Variants in TNS3 observed in about 807,000 individuals in gnomAD.
TNS3 encodes tensin-3.
Under a neutral mutation model 140.9 loss-of-function variants are expected in TNS3, and 45 were observed. That is an observed-to-expected ratio of 0.32 (90% CI 0.25 to 0.41). The LOEUF (loss-of-function observed/expected upper bound fraction) is 0.41. TNS3 is among the 10% of genes least tolerant of loss of function. TNS3 has a pLI of 1.00. For synonymous variants in TNS3, 815 were observed against 788.4 expected, an observed-to-expected ratio of 1.03 and a Z score of -0.56; for missense variants, 1,716 against 1,906.7, an observed-to-expected ratio of 0.90 and a Z score of 1.86.
intron 23 of TNS3, among the ~76,000 whole-genome samples, chr7:47,299,282 T>C (rs189410339): frequency 6.6e-6 from 1 of 151,778 alleles, no homozygotes; most frequent in Admixed American, 6.6e-5. Context: ...GGACTACAAG[T>C]GTACACCACC....
intron 7 of TNS3, among the ~76,000 whole-genome samples, chr7:47,436,916 C>T (rs901505232): frequency 6.6e-6 from 1 of 152,054 alleles, no homozygotes; most frequent in African/African-American, 2.4e-5. Flanking sequence ...ACACACGATG[C>T]CGAGAAACAC....
intron 4 of TNS3, among the ~76,000 whole-genome samples, chr7:47,455,860 G>A (rs1042360734): frequency 1.2e-4 from 18 of 152,190 alleles, no homozygotes; most frequent in African/African-American, 4.3e-4. Context: ...CAGAGGTGGG[G>A]CAGGAGGAGC....
chr7:47,310,235 C>T (rs1040435754), intron 20 of TNS3, among the ~76,000 whole-genome samples: 1 of 152,116 alleles, frequency 6.6e-6, no homozygotes, highest in African/African-American at 2.4e-5. Context: ...GGGCCCAATG[C>T]CCAGTAAACA....
At chr7:47,280,912 CAA>C (rs111232356) in intron 28 of TNS3, among the ~76,000 whole-genome samples, 4 of 127,120 alleles carry the variant, frequency 3.1e-5, no homozygotes, top group Admixed American at 1.6e-4. Context: ...GATTCCATCT[CAA>C]AAAAAAAAAA....
chr7:47,434,289 T>C (rs56987629), intron 8 of TNS3, among the ~76,000 whole-genome samples: 1,663 of 149,254 alleles, frequency 0.011, 11 homozygotes, highest in Middle Eastern at 0.024. Context: ...TGCAGTTTTT[T>C]AGTGTAAAAG....
intron 4 of TNS3, among the ~76,000 whole-genome samples, chr7:47,455,833 A>G (rs1562764697): frequency 6.6e-6 from 1 of 152,164 alleles, no homozygotes; most frequent in Non-Finnish European, 1.5e-5. Flanking sequence ...CATCTGATAC[A>G]AAGTGGGCGC....
chr7:47,557,052 A>C (rs1800213995), intron 1 of TNS3: 1 of 456,668 alleles, frequency 2.2e-6, no homozygotes, highest in Non-Finnish European at 4.4e-6. Context: ...CAGGGTGTGC[A>C]GGGTGCCTAG....
chr7:47,415,042 C>G, intron 11 of TNS3, 52 bp downstream of exon 11: 4 of 1,407,032 alleles, frequency 2.8e-6, no homozygotes, highest in Non-Finnish European at 4.0e-6. Flanking sequence ...CCAGGACCAG[C>G]TCCAAGTCTG....
chr7:47,551,839 C>T (rs1163454561), intron 1 of TNS3, among the ~76,000 whole-genome samples: 1 of 152,140 alleles, frequency 6.6e-6, no homozygotes, highest in African/African-American at 2.4e-5. Flanking sequence ...AATTCTTGCA[C>T]TTGCAGAGAC....
chr7:47,278,144 C>T lies in TNS3; in HGVS notation c.4270G>A (p.Glu1424Lys). The T allele has an allele frequency of 6.2e-7, 1 of 1,614,126 alleles. No individual in the cohort carries two copies. The highest frequency in any genetic ancestry group is 8.5e-7 in the Non-Finnish European group (1 of 1,180,024). The change falls in exon 31 of 31, where the codon GAG (glutamate) becomes AAG (lysine). Residue 1424 changes from glutamate (E) to lysine (K), a missense_variant. By Grantham distance (56) the Glu-to-Lys change is moderately conservative (BLOSUM62 1). This residue lies in a region of TNS3 where 216 missense variants were observed against 295.7 expected (regional missense o/e 0.73). Coordinates refer to ENST00000311160, the MANE Select transcript of TNS3 (RefSeq NM_022748.12). The part of the protein sequence containing the change: ...VCHLFAEHDP[E>K]QPASAIVNFV... ...TTGACAATGGCACTGGCAGGCTGCT[C>T]AGGGTCATGCTCTGCAAACAGGTGG... is the stretch of plus-strand genomic sequence containing the variant.
chr7:47,305,889 A>G (rs1197190005), intron 20 of TNS3, among the ~76,000 whole-genome samples: 1 of 152,210 alleles, frequency 6.6e-6, no homozygotes, highest in African/African-American at 2.4e-5. Context: ...AAAACTAATG[A>G]GGATTGATAA....
chr7:47,509,937 G>T lies in TNS3; in HGVS notation c.-152-2993C>A, dbSNP rs148854973. Among the ~76,000 whole-genome samples the T allele has an allele frequency of 6.4e-3, 971 of 152,312 alleles. 16 individuals carry two copies. The highest frequency in any genetic ancestry group is 0.022 in the African/African-American group (925 of 41,572). On this transcript the variant is annotated intron_variant, in intron 2 of 30. Transcript: ENST00000311160. ...CCTCAAGGGACAGCGTCTCTGTTGT[G>T]CATGACCAGGGTCTCACAATAGCAG...
chr7:47,509,338 G>A (rs1206767761), intron 2 of TNS3, among the ~76,000 whole-genome samples: 1 of 152,210 alleles, frequency 6.6e-6, no homozygotes. Context: ...TTTTACAAAT[G>A]TTTGGACTAG....
intron 2 of TNS3, among the ~76,000 whole-genome samples, 184 bp downstream of exon 2, chr7:47,528,852 A>G (rs941206198): frequency 2.0e-5 from 3 of 152,150 alleles, no homozygotes; most frequent in Non-Finnish European, 4.4e-5. Context: ...CCTCATGAGC[A>G]CTTATCTATG....
chr7:47,555,842 G>A (rs548496657), intron 1 of TNS3, among the ~76,000 whole-genome samples: 1 of 152,308 alleles, frequency 6.6e-6, no homozygotes, highest in South Asian at 2.1e-4. Flanking sequence ...TATGCACTGG[G>A]AAACTAAAAG....
chr7:47,577,506 T>C (rs919062041), intron 1 of TNS3, among the ~76,000 whole-genome samples: 3 of 152,168 alleles, frequency 2.0e-5, no homozygotes, highest in Admixed American at 6.5e-5. Context: ...GGGGCTGGGC[T>C]GTGGGTGGGG....
Position 47,287,359 on chromosome 7 carries a change from C to T in TNS3, c.3929-3494G>A, listed in dbSNP as rs77402567. Among the ~76,000 whole-genome samples the T allele has an allele frequency of 3.7e-3, 557 of 152,268 alleles. 6 individuals are homozygous for T. Among genetic ancestry groups the T allele is most frequent in the African/African-American group, 0.013 (532 of 41,544 alleles). ...AACTGGAGAGCATTACAAGTTTATT[C>T]CCATCTTTGTGAGTTGTCTGCTAAT... is the stretch of plus-strand genomic sequence containing the variant. On this transcript the variant is annotated intron_variant, in intron 27 of 30. Transcript: ENST00000311160.
intron 17 of TNS3, among the ~76,000 whole-genome samples, chr7:47,350,164 AG>A (rs780383027): frequency 1.3e-5 from 2 of 152,102 alleles, no homozygotes; most frequent in Non-Finnish European, 2.9e-5. Context: ...GGGCCCCATG[AG>A]CCCTGGGAGG....
In TNS3 at chr7:47,372,216, C is replaced by T. The variant is rs578169488; in HGVS notation, c.1025-2595G>A. On this transcript the variant is annotated intron_variant, in intron 16 of 30. Coordinates refer to ENST00000311160, the MANE Select transcript of TNS3 (RefSeq NM_022748.12). ...TCAGCCCAGTCCCTCCCACGCCTGG[C>T]GGGCAGCCAGGACACACACTGCAGG... Among the ~76,000 whole-genome samples, 26 of 152,322 alleles carry T rather than the reference C, an allele frequency of 1.7e-4. No homozygotes were observed. The East Asian group carries it at 3.3e-3, about 19-fold the overall frequency.
Sources: allele counts gnomAD v4.1 joint callset (sites outside exome capture counted in the v4.1 genomes callset), GRCh38; gene constraint gnomAD v4.1.1; regional missense constraint gnomAD v4.1.1; transcripts MANE v1.5; gene names NCBI Gene and HGNC (gene_info 2026-07-23, HGNC 2026-07-21).